Variants in SNTG2 observed in about 807,000 individuals in gnomAD.
SNTG2 encodes syntrophin gamma 2.
In SNTG2, 74 loss-of-function variants were observed where a neutral mutation model predicts 70.9. The ratio of observed to expected loss-of-function variants is 1.04; its 90% CI spans 0.86 to 1.27. The LOEUF is 1.27. SNTG2 is among the 50% of genes most tolerant of loss of function. The probability of loss-of-function intolerance (pLI) is 0.00; values close to 1 mark genes in which losing one functional copy is unlikely to be tolerated. For missense variants in SNTG2, 717 were observed against 690.7 expected (o/e 1.04, Z -0.43); for synonymous variants, 278 against 273.8 (o/e 1.02, Z -0.15).
At chr2:1,221,793 GTCTGTCTC>G (rs1572768662) in intron 9 of SNTG2, among the ~76,000 whole-genome samples, 10 of 994 alleles carry the variant, frequency 0.01, 4 homozygotes, top group Admixed American at 0.024. Flanking sequence ...CTCTGTCTCT[GTCTGTCTC>G]TGTCTCTCTC....
intron 14 of SNTG2, 88 bp downstream of exon 14, chr2:1,267,659 GA>G: frequency 8.6e-7 from 1 of 1,168,492 alleles, no homozygotes; most frequent in Non-Finnish European, 1.2e-6. Context: ...TTTATCGGGG[GA>G]AAAGAGGAAT....
chr2:1,340,428 T>C (rs1420137698), intron 16 of SNTG2, among the ~76,000 whole-genome samples: 1 of 152,230 alleles, frequency 6.6e-6, no homozygotes, highest in Non-Finnish European at 1.5e-5. Context: ...AGAGATTCTT[T>C]TGCAAAGTGG....
At chr2:1,243,612 A>G (rs966790450) in intron 11 of SNTG2, among the ~76,000 whole-genome samples, 1 of 152,186 alleles carries the variant, frequency 6.6e-6, no homozygotes, top group Non-Finnish European at 1.5e-5. Context: ...TGTCCTCTGT[A>G]TTTAGATATT....
intron 1 of SNTG2, among the ~76,000 whole-genome samples, chr2:1,002,445 GACATGA>G (rs1659426908): frequency 6.6e-6 from 1 of 152,048 alleles, no homozygotes; most frequent in African/African-American, 2.4e-5. Flanking sequence ...GTAGGCAAAA[GACATGA>G]ACATATATTT....
At chr2:1,111,184 A>G (rs1274465784) in intron 4 of SNTG2, among the ~76,000 whole-genome samples, 4 of 152,228 alleles carry the variant, frequency 2.6e-5, no homozygotes, top group Non-Finnish European at 5.9e-5. Context: ...AAAGCTATCA[A>G]AGTATAAATA....
At chr2:970,574 C>T (rs1249912285) in intron 1 of SNTG2, among the ~76,000 whole-genome samples, 4 of 143,414 alleles carry the variant, frequency 2.8e-5, no homozygotes, top group African/African-American at 1.1e-4. Flanking sequence ...CAATTTCATC[C>T]ATGTCCCTAC....
intron 15 of SNTG2, among the ~76,000 whole-genome samples, chr2:1,312,940 C>A (rs915018944): frequency 6.6e-6 from 1 of 152,186 alleles, no homozygotes; most frequent in Admixed American, 6.5e-5. Context: ...AAGCAAATGT[C>A]TCCACAGCTC....
intron 1 of SNTG2, among the ~76,000 whole-genome samples, chr2:1,002,536 T>G (rs767956865): frequency 6.6e-6 from 1 of 151,984 alleles, no homozygotes; most frequent in Non-Finnish European, 1.5e-5. Flanking sequence ...AAATGCAAAT[T>G]AAAACCACAA....
intron 1 of SNTG2, among the ~76,000 whole-genome samples, chr2:1,080,686 ATGAG>A (rs1237409852): frequency 4.6e-5 from 7 of 150,580 alleles, no homozygotes. Context: ...ATGTGTGTGC[ATGAG>A]TGTTTGGGCA....
intron 4 of SNTG2, among the ~76,000 whole-genome samples, chr2:1,098,654 G>A (rs948109863): frequency 1.3e-5 from 2 of 152,134 alleles, no homozygotes; most frequent in African/African-American, 4.8e-5. Context: ...GAGGTATCAG[G>A]TTATCCCCCC....
intron 1 of SNTG2, among the ~76,000 whole-genome samples, chr2:1,072,214 G>A (rs1156883054): frequency 6.8e-6 from 1 of 147,672 alleles, no homozygotes; most frequent in African/African-American, 2.7e-5. Flanking sequence ...AGCTGGAGAG[G>A]AGAAGTCAGT....
intron 1 of SNTG2, among the ~76,000 whole-genome samples, chr2:1,030,920 C>T (rs1385942821): frequency 2.0e-5 from 3 of 152,142 alleles, no homozygotes; most frequent in Non-Finnish European, 4.4e-5. Flanking sequence ...CTCTTTTAAG[C>T]TGCAGTTGTG....
At chr2:1,174,194 G>A (rs1401192152) in intron 8 of SNTG2, among the ~76,000 whole-genome samples, 3 of 152,052 alleles carry the variant, frequency 2.0e-5, no homozygotes, top group Non-Finnish European at 4.4e-5. Context: ...TTCCATCTGT[G>A]CAGTCTTCCA....
At chr2:955,104 A>T (rs1660099224) in intron 1 of SNTG2, among the ~76,000 whole-genome samples, 1 of 152,248 alleles carries the variant, frequency 6.6e-6, no homozygotes, top group Admixed American at 6.5e-5. Flanking sequence ...CAGTCTGCTA[A>T]CTGCTAAACT....
chr2:969,409 C>T (rs535510751), intron 1 of SNTG2, among the ~76,000 whole-genome samples: 1 of 151,974 alleles, frequency 6.6e-6, no homozygotes, highest in Admixed American at 6.5e-5. Flanking sequence ...GAAGAATGTC[C>T]TTGGTTGTTT....
At chr2:1,185,529 G>A (rs548002808) in intron 8 of SNTG2, among the ~76,000 whole-genome samples, 35 of 152,306 alleles carry the variant, frequency 2.3e-4, no homozygotes, top group African/African-American at 7.7e-4. Context: ...AAATCTAGGC[G>A]GAGGCTCCCA....
intron 9 of SNTG2, among the ~76,000 whole-genome samples, chr2:1,233,061 T>C (rs1355711791): frequency 6.6e-6 from 1 of 152,242 alleles, no homozygotes; most frequent in African/African-American, 2.4e-5. Context: ...CCATCATTTA[T>C]GGATGAAAGC....
intron 1 of SNTG2, among the ~76,000 whole-genome samples, chr2:1,010,051 ACT>A (rs1390127920): frequency 6.6e-6 from 1 of 152,034 alleles, no homozygotes; most frequent in East Asian, 1.9e-4. Context: ...ATCAGAACAC[ACT>A]CTATTATTAT....
At chr2:1,287,879 C>A (rs1031649765) in intron 14 of SNTG2, among the ~76,000 whole-genome samples, 21 of 152,158 alleles carry the variant, frequency 1.4e-4, no homozygotes, top group African/African-American at 5.1e-4. Context: ...GCCTTCCCAG[C>A]TGTTGACTTT....
Sources: allele counts gnomAD v4.1 joint callset (sites outside exome capture counted in the v4.1 genomes callset), GRCh38; gene constraint gnomAD v4.1.1; transcripts MANE v1.5; gene names NCBI Gene and HGNC (gene_info 2026-07-23, HGNC 2026-07-21).